GLYR1: variants seen among roughly 807,000 people sequenced by gnomAD.
GLYR1 encodes the protein cytokine-like nuclear factor N-PAC.
GLYR1 carries 21 observed loss-of-function variants against 72.7 expected under a neutral mutation model. That is an observed-to-expected ratio of 0.29 (90% CI 0.20 to 0.42). The LOEUF is 0.42. GLYR1 is among the 10% of genes least tolerant of loss of function. GLYR1 has a pLI of 1.00. For synonymous variants in GLYR1, 392 were observed against 270.2 expected (o/e 1.45, Z -4.42); for missense variants, 594 against 712.1 (o/e 0.83, Z 1.89).
chr16:4,804,817 C>G lies in GLYR1; in HGVS notation c.*419G>C, dbSNP rs1203314449. ...TCTGGGGGAAGCTGTGGGAAGGCTTCCAACTCTCGTTGCTGATTCTAGTTC... is the reference window on the plus strand; with the variant it reads ...TCTGGGGGAAGCTGTGGGAAGGCTTGCAACTCTCGTTGCTGATTCTAGTTC... On this transcript the variant is annotated 3_prime_UTR_variant, in exon 16 of 16. Transcript: ENST00000321919. 1 of 211,034 alleles carries G rather than the reference C, an allele frequency of 4.7e-6. No homozygotes were observed. The highest frequency in any genetic ancestry group is 2.2e-5 in the African/African-American group (1 of 44,630). The allele number at this position is 211,034 out of a possible 1,614,324, so 13.1% of individuals were successfully genotyped here. A position where few individuals can be genotyped will look rare whatever the true frequency, so the allele number is the denominator to read the frequency against.
Position 4,814,887 on chromosome 16 carries a change from G to C in GLYR1, c.907-240C>G, listed in dbSNP as rs1371165766. 3.3e-5 allele frequency among the ~76,000 whole-genome samples: 5 copies of C among 152,248 alleles called. No homozygotes were observed. The East Asian group carries it at 7.7e-4, about 24-fold the overall frequency. On this transcript the variant is annotated intron_variant, in intron 10 of 15. Coordinates refer to ENST00000321919, the MANE Select transcript of GLYR1 (RefSeq NM_032569.4). ...ATGATGAACTGCTTCACAAGTGTCT[G>C]CTGAAGGTATGCTGTTTCAAGAATG...
chr16:4,818,415 C>T (rs1247562890), intron 9 of GLYR1, among the ~76,000 whole-genome samples: 1 of 152,144 alleles, frequency 6.6e-6, no homozygotes, highest in Non-Finnish European at 1.5e-5. Context: ...CCCCCTCAGC[C>T]TCCTGGGTAG....
At chr16:4,839,836 T>C (rs1184368278) in intron 3 of GLYR1, 6 of 152,326 alleles carry the variant, frequency 3.9e-5, no homozygotes, top group Admixed American at 2.6e-4. Context: ...ATTAAAAAAG[T>C]ATAACTACAC....
intron 3 of GLYR1, among the ~76,000 whole-genome samples, chr16:4,836,622 T>A (rs1360308755): frequency 1.3e-5 from 2 of 152,090 alleles, no homozygotes; most frequent in Non-Finnish European, 2.9e-5. Context: ...ATGAGCAAGA[T>A]AAAAAGCAAT....
Position 4,817,361 on chromosome 16 carries a change from C to T in GLYR1, c.906+237G>A, listed in dbSNP as rs903375923. On this transcript the variant is annotated intron_variant, in intron 10 of 15. Transcript: ENST00000321919. ...GTCTCGATCTCCTGACCTCATGATC[C>T]GCCCGCCTCAGCCTCCCAAAGTGCT... Among the ~76,000 whole-genome samples, 18 of 152,072 alleles carry T rather than the reference C, an allele frequency of 1.2e-4. No homozygotes were observed. In the East Asian group the frequency reaches 2.7e-3, roughly 23 times the overall value.
chr16:4,813,666 A>G (rs1280432583), intron 12 of GLYR1, 71 bp downstream of exon 12: 14 of 1,341,560 alleles, frequency 1.0e-5, no homozygotes, highest in Non-Finnish European at 1.5e-5. Flanking sequence ...TTAACTGCCC[A>G]CTCTTGTAAG....
intron 15 of GLYR1, among the ~76,000 whole-genome samples, chr16:4,810,818 T>C (rs1050653443): frequency 7.1e-6 from 1 of 139,892 alleles, no homozygotes; most frequent in African/African-American, 2.7e-5. Flanking sequence ...AAAAAGAAAC[T>C]GAATGGCTGG....
rs991205386 is a variant in GLYR1 at position 4,803,307 on chromosome 16, A to C, written c.*1929T>G. The C allele has an allele frequency of 6.5e-6, 1 of 152,712 alleles. No individual in the cohort carries two copies. Among genetic ancestry groups the C allele is most frequent in the African/African-American group, 2.4e-5 (1 of 41,470 alleles). The allele number at this position is 152,712 out of a possible 1,614,324, so 9.5% of individuals were successfully genotyped here. A position where few individuals can be genotyped will look rare whatever the true frequency, so the allele number is the denominator to read the frequency against. On this transcript the variant is annotated 3_prime_UTR_variant, in exon 16 of 16. Coordinates refer to ENST00000321919, the MANE Select transcript of GLYR1 (RefSeq NM_032569.4). ...AACATTATCACACAATCCTATTCTG[A>C]AAGACAAATGTTCATTAAAAACAAA...
At chr16:4,827,768 CG>C (rs1041566045) in intron 5 of GLYR1, among the ~76,000 whole-genome samples, 11 of 151,846 alleles carry the variant, frequency 7.2e-5, no homozygotes, top group Admixed American at 3.3e-4. Flanking sequence ...GGCGTGGTGG[CG>C]GGCACCTGTA....
chr16:4,809,969 A>G (rs1298460361), intron 15 of GLYR1, among the ~76,000 whole-genome samples: 3 of 152,082 alleles, frequency 2.0e-5, no homozygotes, highest in Non-Finnish European at 1.5e-5. Flanking sequence ...AAAAAACCCA[A>G]TACAGGGCAG....
chr16:4,832,995 A>G (rs963052746), intron 3 of GLYR1, 83 bp from the exon 4 acceptor site: 1 of 1,332,374 alleles, frequency 7.5e-7, no homozygotes. Context: ...GGCACGGTGT[A>G]AATATCCATT....
At chr16:4,819,860 T>TTG (rs1221048602) in intron 9 of GLYR1, among the ~76,000 whole-genome samples, 1 of 152,154 alleles carries the variant, frequency 6.6e-6, no homozygotes, top group Non-Finnish European at 1.5e-5. Context: ...CTGCTTCAAG[T>TTG]TGTGGCTTAA....
At chr16:4,815,927 G>A (rs2083609950) in intron 10 of GLYR1, among the ~76,000 whole-genome samples, 1 of 151,604 alleles carries the variant, frequency 6.6e-6, no homozygotes, top group Non-Finnish European at 1.5e-5. Flanking sequence ...GACTACAGGC[G>A]CCCGCCACTG....
intron 15 of GLYR1, among the ~76,000 whole-genome samples, chr16:4,810,699 TAAAAAAAAAAAAA>T (rs551202037): frequency 9.2e-5 from 2 of 21,814 alleles, no homozygotes; most frequent in African/African-American, 2.6e-4. Flanking sequence ...CTGTCTCTAC[TAAAAAAAAAAAAA>T]AAAAAAAAAA....
chr16:4,815,620 G>A (rs1305343913), intron 10 of GLYR1, among the ~76,000 whole-genome samples: 1 of 152,162 alleles, frequency 6.6e-6, no homozygotes, highest in Non-Finnish European at 1.5e-5. Flanking sequence ...AACAAATGTA[G>A]ACAGATGACT....
At position 4,811,847 on chromosome 16, in the gene GLYR1, GAC is replaced by G. The variant is rs2141954306; in HGVS notation, c.1283-47_1283-46del. On this transcript the variant is annotated intron_variant, in intron 13 of 15. Transcript: ENST00000321919. ...ACGGTCACAGCCCAAGAATGCCACA[GAC>G]AGGGCTTCTCTGTCCACCCTCACCT... 7 of 1,579,816 alleles carry G rather than the reference GAC, an allele frequency of 4.4e-6. No individual in the cohort carries two copies. In the Admixed American group the frequency reaches 7.0e-5, roughly 16 times the overall value.
intron 10 of GLYR1, among the ~76,000 whole-genome samples, chr16:4,816,047 G>C (rs1186264598): frequency 6.6e-6 from 1 of 152,146 alleles, no homozygotes; most frequent in African/African-American, 2.4e-5. Flanking sequence ...GGGATTATAG[G>C]CATGAGCCAC....
intron 3 of GLYR1, among the ~76,000 whole-genome samples, chr16:4,833,352 G>A (rs2084916810): frequency 6.6e-6 from 1 of 152,224 alleles, no homozygotes; most frequent in African/African-American, 2.4e-5. Flanking sequence ...ATAGATGATA[G>A]CAGCATTACT....
At chr16:4,842,570 A>C (rs2085643528) in intron 3 of GLYR1, among the ~76,000 whole-genome samples, 1 of 152,216 alleles carries the variant, frequency 6.6e-6, no homozygotes, top group African/African-American at 2.4e-5. Context: ...TATGTTGTCC[A>C]GGCTGGTCTC....
Sources: gnomAD v4.1 joint callset for allele counts (sites outside exome capture counted in the v4.1 genomes callset) on GRCh38, gnomAD v4.1.1 for gene constraint, MANE v1.5 for transcripts, NCBI Gene and HGNC (gene_info 2026-07-23, HGNC 2026-07-21) for gene names.